TENM2: variants seen among roughly 807,000 people sequenced by gnomAD.
TENM2 encodes the protein teneurin transmembrane protein 2.
A neutral mutation model predicts 245.2 loss-of-function variants in TENM2; 52 were observed. The ratio of observed to expected loss-of-function variants is 0.21; its 90% CI spans 0.17 to 0.27. The LOEUF is 0.27. Ranked by LOEUF, TENM2 falls within the 10% of genes least tolerant of loss-of-function variation. The pLI is 1.00. For synonymous variants in TENM2, 1,363 were observed against 1,438.9 expected, an observed-to-expected ratio of 0.95 and a Z score of 1.19; for missense variants, 3,046 against 3,666.8, an observed-to-expected ratio of 0.83 and a Z score of 4.37.
chr5:167,211,800 G>T, the TENM2 span, among the ~76,000 whole-genome samples: 1 of 151,826 alleles, frequency 6.6e-6, no homozygotes, highest in Non-Finnish European at 1.5e-5. Flanking sequence ...AAATTAAATT[G>T]ATTATATACT....
the TENM2 span, among the ~76,000 whole-genome samples, chr5:167,067,295 T>C: frequency 6.6e-6 from 1 of 152,174 alleles, no homozygotes; most frequent in African/African-American, 2.4e-5. Flanking sequence ...TTTCTAAACT[T>C]TTGCAGAATT....
At chr5:167,076,855 T>C in the TENM2 span, among the ~76,000 whole-genome samples, 1 of 152,284 alleles carries the variant, frequency 6.6e-6, no homozygotes, top group East Asian at 1.9e-4. Flanking sequence ...TTTTTTCTTT[T>C]TTTGACAGAG....
chr5:168,247,156 G>T lies in TENM2; in HGVS notation c.6217G>T (p.Asp2073Tyr). Residue 2073 changes from aspartate to tyrosine, a missense_variant, in exon 27 of 29, where the codon GAC becomes TAC. Asp to Tyr is a radical substitution (Grantham distance 160). This residue lies in a region of TENM2 where 2,704 missense variants were observed against 3,331.9 expected (regional missense o/e 0.81). Coordinates refer to ENST00000518659, the Ensembl canonical transcript of TENM2. The surrounding 1 kb of genome is among the most constrained non-coding windows in gnomAD (Gnocchi z 7.8). ...GTACCGGAAGATTGGCCCCCTGGTG[G>T]ACAAGCAGATCTACAGGTTCTCCGA... 1 of 1,613,846 alleles carries T rather than the reference G, an allele frequency of 6.2e-7. No homozygotes were observed. Among genetic ancestry groups the T allele is most frequent in the Non-Finnish European group, 8.5e-7 (1 of 1,179,890 alleles).
chr5:167,390,912 A>G (rs1258640888), intron 2 of TENM2, among the ~76,000 whole-genome samples: 6 of 152,134 alleles, frequency 3.9e-5, no homozygotes, highest in South Asian at 2.1e-4. Flanking sequence ...ATATAGTCCA[A>G]TTTTATGGTT....
At chr5:167,872,787 T>C (rs929037516) in intron 2 of TENM2, among the ~76,000 whole-genome samples, 2 of 152,236 alleles carry the variant, frequency 1.3e-5, no homozygotes, top group African/African-American at 4.8e-5. Flanking sequence ...TGCTCTTCTA[T>C]TGTCTGTATT....
At chr5:166,995,434 G>A in the TENM2 span, among the ~76,000 whole-genome samples, 1 of 151,638 alleles carries the variant, frequency 6.6e-6, no homozygotes, top group South Asian at 2.1e-4. Flanking sequence ...GTAGAGACAG[G>A]GTTTCACTGT....
chr5:167,593,718 C>T, intron 2 of TENM2, among the ~76,000 whole-genome samples: 1 of 152,156 alleles, frequency 6.6e-6, no homozygotes, highest in East Asian at 1.9e-4. Flanking sequence ...TGGGTCTGTC[C>T]ACTGTGTTAA....
At chr5:167,729,122 A>C (rs1416233457) in intron 2 of TENM2, 2 of 152,176 alleles carry the variant, frequency 1.3e-5, no homozygotes, top group Middle Eastern at 3.2e-3. Flanking sequence ...TTGAAAACCT[A>C]GGCACAGCTT....
chr5:168,016,602 T>C (rs913219367), intron 5 of TENM2, among the ~76,000 whole-genome samples: 1 of 152,162 alleles, frequency 6.6e-6, no homozygotes, highest in Non-Finnish European at 1.5e-5. Context: ...GAGCTGGCAC[T>C]CAGAAACCAC....
At chr5:167,382,246 G>C (rs1025401251) in intron 2 of TENM2, among the ~76,000 whole-genome samples, 6 of 152,152 alleles carry the variant, frequency 3.9e-5, no homozygotes, top group Non-Finnish European at 8.8e-5. Flanking sequence ...AAATGACTTT[G>C]TGCTAATTAT....
intron 20 of TENM2, chr5:168,214,742 T>C (rs913459929): frequency 8.0e-6 from 4 of 499,030 alleles, no homozygotes; most frequent in Non-Finnish European, 1.2e-5. Context: ...ATAACTATCC[T>C]GCTTACAAAA....
chr5:167,988,188 G>A (rs1219036121), intron 4 of TENM2, among the ~76,000 whole-genome samples: 3 of 152,114 alleles, frequency 2.0e-5, no homozygotes, highest in African/African-American at 4.8e-5. Flanking sequence ...GCATCAACAC[G>A]GCAGGAGGAG....
the TENM2 span, among the ~76,000 whole-genome samples, chr5:167,078,278 G>A: frequency 6.6e-6 from 1 of 152,040 alleles, no homozygotes; most frequent in South Asian, 2.1e-4. Context: ...GAGGTTGGGA[G>A]TTCGAGACCA....
intron 4 of TENM2, among the ~76,000 whole-genome samples, chr5:167,962,765 T>C (rs767708445): frequency 6.6e-6 from 1 of 152,114 alleles, no homozygotes; most frequent in Non-Finnish European, 1.5e-5. Context: ...TCATGAGAAC[T>C]CACTCACTAT....
chr5:168,174,370 A>T (rs1285158802), intron 13 of TENM2, among the ~76,000 whole-genome samples: 1 of 152,124 alleles, frequency 6.6e-6, no homozygotes, highest in Non-Finnish European at 1.5e-5. Context: ...GTCCTCTGTA[A>T]AGTGGAGCTA....
At chr5:167,834,851 C>T (rs1307881482) in intron 2 of TENM2, among the ~76,000 whole-genome samples, 2 of 152,116 alleles carry the variant, frequency 1.3e-5, no homozygotes, top group East Asian at 1.9e-4. Flanking sequence ...TGGGTTTCAC[C>T]GTGTTAGCCA....
intron 2 of TENM2, among the ~76,000 whole-genome samples, chr5:167,670,625 A>T (rs1755873089): frequency 6.6e-6 from 1 of 152,162 alleles, no homozygotes; most frequent in Non-Finnish European, 1.5e-5. Flanking sequence ...GGCACAGACG[A>T]TACTGAGAGT....
the TENM2 span, among the ~76,000 whole-genome samples, chr5:167,051,057 C>G: frequency 6.6e-6 from 1 of 152,044 alleles, no homozygotes; most frequent in African/African-American, 2.4e-5. Flanking sequence ...TTCCGCTAAC[C>G]AATACACGGT....
At chr5:167,370,755 T>C (rs1205447262) in intron 1 of TENM2, among the ~76,000 whole-genome samples, 1 of 152,232 alleles carries the variant, frequency 6.6e-6, no homozygotes, top group African/African-American at 2.4e-5. Context: ...ATAATACATA[T>C]GTATTCCATG....
Sources: allele counts gnomAD v4.1 joint callset (sites outside exome capture counted in the v4.1 genomes callset), GRCh38; gene constraint gnomAD v4.1.1; regional missense constraint gnomAD v4.1.1; non-coding constraint Gnocchi (gnomAD v3.1); transcripts MANE v1.5; gene names NCBI Gene and HGNC (gene_info 2026-07-23, HGNC 2026-07-21).